The following PITPNC1 variants were observed in gnomAD, a reference collection of about 807,000 sequenced individuals.
PITPNC1 encodes phosphatidylinositol transfer protein cytoplasmic 1.
A neutral mutation model predicts 44.7 loss-of-function variants in PITPNC1; 18 were observed. That is an observed-to-expected ratio of 0.40 (90% CI 0.28 to 0.60). The LOEUF is 0.60. Among genes scored for constraint, PITPNC1 ranks in the 20% least tolerant of loss-of-function variants. The probability of loss-of-function intolerance (pLI) is 0.39; values close to 1 mark genes in which losing one functional copy is unlikely to be tolerated. For missense variants in PITPNC1, 290 were observed against 418.4 expected (o/e 0.69, Z 2.68); for synonymous variants, 141 against 149.6 (o/e 0.94, Z 0.42).
At chr17:67,588,744 G>A (rs879644783) in intron 5 of PITPNC1, among the ~76,000 whole-genome samples, 2 of 152,204 alleles carry the variant, frequency 1.3e-5, no homozygotes, top group East Asian at 1.9e-4. Context: ...ATGGATGGAT[G>A]TTAACACATT....
At chr17:67,510,591 C>T (rs2040172575) in intron 1 of PITPNC1, among the ~76,000 whole-genome samples, 1 of 152,130 alleles carries the variant, frequency 6.6e-6, no homozygotes, top group East Asian at 1.9e-4. Context: ...CGTGAGCCAC[C>T]GCGCCTGGCC....
At chr17:67,660,401 A>G (rs1473214753) in intron 6 of PITPNC1, among the ~76,000 whole-genome samples, 1 of 152,066 alleles carries the variant, frequency 6.6e-6, no homozygotes, top group East Asian at 1.9e-4. Context: ...CATTACTTAA[A>G]TGCTCCTTTG....
intron 6 of PITPNC1, chr17:67,632,501 C>A (rs1359433023): frequency 9.6e-6 from 5 of 519,266 alleles, no homozygotes; most frequent in Non-Finnish European, 1.4e-5. Flanking sequence ...ACGTCAGTAT[C>A]CATAGGGCTG....
intron 1 of PITPNC1, among the ~76,000 whole-genome samples, chr17:67,418,503 C>T (rs1031560110): frequency 1.1e-4 from 17 of 151,728 alleles, no homozygotes; most frequent in African/African-American, 3.9e-4. Context: ...TGTGTTGTTG[C>T]GGGGAAGGAA....
Position 67,667,490 on chromosome 17 carries a change from C to CA in PITPNC1, c.463-2000dup, listed in dbSNP as rs71139168. 8.9e-4 allele frequency among the ~76,000 whole-genome samples: 96 copies of CA among 107,654 alleles called. 1 individual carries two copies. Among genetic ancestry groups the CA allele is most frequent in the African/African-American group, 2.4e-3 (69 of 29,060 alleles). The allele number at this position is 107,654 out of a possible 152,430, so 70.6% of individuals were successfully genotyped here. A position where few individuals can be genotyped will look rare whatever the true frequency, so the allele number is the denominator to read the frequency against. ...GCCGCAGTGAGCCATGATCCTTTCTCAAAAAAAAAAAAAAAAAAGTACTGA... is the reference window on the plus strand; with the variant it reads ...GCCGCAGTGAGCCATGATCCTTTCTCAAAAAAAAAAAAAAAAAAAGTACTGA... On this transcript the variant is annotated intron_variant, in intron 6 of 8. Transcript: ENST00000581322.
chr17:67,621,848 C>T (rs1023247561), intron 5 of PITPNC1, among the ~76,000 whole-genome samples: 3 of 152,114 alleles, frequency 2.0e-5, no homozygotes, highest in African/African-American at 7.2e-5. Flanking sequence ...GGTGCAGTGG[C>T]TCACACCCGT....
rs1598851683 is a variant in PITPNC1 at position 67,583,896 on chromosome 17, TTTGTG to T, written c.366+5641_366+5645del. Among the ~76,000 whole-genome samples the T allele has an allele frequency of 1.0e-4, 11 of 107,528 alleles. No homozygotes were observed. In the East Asian group the frequency reaches 2.0e-3, roughly 19 times the overall value. 70.5% of individuals were successfully genotyped at this position (107,528 alleles called of 152,430 possible). A position where few individuals can be genotyped will look rare whatever the true frequency, so the allele number is the denominator to read the frequency against. On this transcript the variant is annotated intron_variant, in intron 5 of 8. Transcript: ENST00000581322. ...GTGTGTGTGTGTGTGTGTGTGTGTG[TTTGTG>T]TGTGTGTGTGTTTGTGTTTAGTAGA... is the stretch of plus-strand genomic sequence containing the variant.
At chr17:67,478,689 A>G (rs1260629522) in intron 1 of PITPNC1, among the ~76,000 whole-genome samples, 1 of 152,090 alleles carries the variant, frequency 6.6e-6, no homozygotes, top group East Asian at 1.9e-4. Context: ...TGTCACTGAG[A>G]AAGGGTCTCT....
At chr17:67,517,275 T>C (rs956034927) in intron 1 of PITPNC1, among the ~76,000 whole-genome samples, 7 of 152,248 alleles carry the variant, frequency 4.6e-5, no homozygotes, top group African/African-American at 1.7e-4. Context: ...TGTTGCTTTC[T>C]TATTGCTTAT....
At chr17:67,626,012 G>A (rs1366916323) in intron 5 of PITPNC1, among the ~76,000 whole-genome samples, 1 of 150,998 alleles carries the variant, frequency 6.6e-6, no homozygotes, top group African/African-American at 2.4e-5. Flanking sequence ...TTTGAGACAG[G>A]ATCTCACTCT....
Position 67,651,320 on chromosome 17 carries a change from C to G in PITPNC1, c.463-18188C>G, listed in dbSNP as rs536982190. 9.7e-4 allele frequency among the ~76,000 whole-genome samples: 147 copies of G among 152,202 alleles called. 7 individuals are homozygous for G. In the South Asian group the frequency reaches 0.029, roughly 30 times the overall value. On this transcript the variant is annotated intron_variant, in intron 6 of 8. Coordinates refer to ENST00000581322, the MANE Select transcript of PITPNC1 (RefSeq NM_012417.4). The stretch of plus-strand genomic sequence containing the variant: ...CTGAGGTCAGGAGCTTGAGACCAGC[C>G]TGGCCAACATGGCGAAACCCCATCT...
chr17:67,606,368 C>CT lies in PITPNC1; in HGVS notation c.367-25768dup, dbSNP rs573173390. 7.9e-5 allele frequency among the ~76,000 whole-genome samples: 12 copies of CT among 152,246 alleles called. No homozygotes were observed. In the South Asian group the frequency reaches 2.3e-3, roughly 29 times the overall value. Reference sequence around the variant, plus strand: ...GTTGTTATTATTAAGACAAGGGACCCTTTTTTTACCCAGACCCAAATTCAA... The same window carrying CT: ...GTTGTTATTATTAAGACAAGGGACCCTTTTTTTTACCCAGACCCAAATTCAA... On this transcript the variant is annotated intron_variant, in intron 5 of 8. Coordinates refer to ENST00000581322, the MANE Select transcript of PITPNC1 (RefSeq NM_012417.4).
Position 67,475,131 on chromosome 17 carries a change from T to A in PITPNC1, c.49-57671T>A, listed in dbSNP as rs574297734. On this transcript the variant is annotated intron_variant, in intron 1 of 8. Coordinates refer to ENST00000581322, the MANE Select transcript of PITPNC1 (RefSeq NM_012417.4). The stretch of plus-strand genomic sequence containing the variant: ...CCTTTCAGCACACAGCACAGATGAA[T>A]GAAGAGGAAATGAAGTTCTGGTTCG... Among the ~76,000 whole-genome samples, 13 of 152,304 alleles carry A rather than the reference T, an allele frequency of 8.5e-5. No homozygotes were observed. The East Asian group carries it at 2.5e-3, about 29-fold the overall frequency.
At chr17:67,399,309 G>C (rs535723046) in intron 1 of PITPNC1, among the ~76,000 whole-genome samples, 31 of 152,298 alleles carry the variant, frequency 2.0e-4, no homozygotes, top group African/African-American at 7.2e-4. Context: ...CACTGTGCCT[G>C]TCAGAGGGTA....
At chr17:67,663,901 T>G (rs2042384124) in intron 6 of PITPNC1, among the ~76,000 whole-genome samples, 2 of 152,158 alleles carry the variant, frequency 1.3e-5, no homozygotes, top group African/African-American at 4.8e-5. Flanking sequence ...CTCAATTTGG[T>G]CCAGTGACCG....
chr17:67,443,573 A>C (rs1203438085), intron 1 of PITPNC1, among the ~76,000 whole-genome samples: 1 of 151,476 alleles, frequency 6.6e-6, no homozygotes, highest in Non-Finnish European at 1.5e-5. Flanking sequence ...AGGAACAGCA[A>C]CCATAAAAAA....
At chr17:67,434,181 C>T (rs2038899316) in intron 1 of PITPNC1, among the ~76,000 whole-genome samples, 1 of 152,292 alleles carries the variant, frequency 6.6e-6, no homozygotes, top group East Asian at 1.9e-4. Context: ...GGGAATGAGG[C>T]TTATGGCTCC....
At chr17:67,479,208 T>C (rs1352690837) in intron 1 of PITPNC1, among the ~76,000 whole-genome samples, 4 of 152,176 alleles carry the variant, frequency 2.6e-5, no homozygotes, top group African/African-American at 9.7e-5. Flanking sequence ...AGGCCTTTCT[T>C]TACCAACAAT....
At chr17:67,471,527 C>T in intron 1 of PITPNC1, 2 of 367,228 alleles carry the variant, frequency 5.4e-6, no homozygotes, top group South Asian at 4.1e-5. Flanking sequence ...TGGTTTTTGC[C>T]ATTACTTTCA....
Sources: allele counts gnomAD v4.1 joint callset (sites outside exome capture counted in the v4.1 genomes callset), GRCh38; gene constraint gnomAD v4.1.1; transcripts MANE v1.5; gene names NCBI Gene and HGNC (gene_info 2026-07-23, HGNC 2026-07-21).